TRPM3: variants seen among roughly 807,000 people sequenced by gnomAD.
TRPM3 encodes the protein long transient receptor potential channel 3.
A neutral mutation model predicts 181.2 loss-of-function variants in TRPM3; 77 were observed. The observed-to-expected ratio is 0.42, with a 90% CI of 0.35 to 0.51. The LOEUF is 0.51. Among genes scored for constraint, TRPM3 ranks in the 20% least tolerant of loss-of-function variants. The probability of loss-of-function intolerance (pLI) is 0.01; values close to 1 mark genes in which losing one functional copy is unlikely to be tolerated. For synonymous variants in TRPM3, 745 were observed against 796.4 expected (o/e 0.94, Z 1.09); for missense variants, 1,759 against 2,196.7 (o/e 0.80, Z 3.98).
At chr9:71,213,469 T>C (rs1223119283) in intron 1 of TRPM3, among the ~76,000 whole-genome samples, 1 of 152,200 alleles carries the variant, frequency 6.6e-6, no homozygotes, top group Non-Finnish European at 1.5e-5. Flanking sequence ...TTTGAAAACA[T>C]TTTACAGCCT....
At chr9:71,257,444 G>C (rs76714702) in intron 1 of TRPM3, among the ~76,000 whole-genome samples, 4,595 of 152,164 alleles carry the variant, frequency 0.03, 206 homozygotes, top group African/African-American at 0.1. Context: ...AAAATATAGC[G>C]ATTTCAGTGC....
intron 1 of TRPM3, among the ~76,000 whole-genome samples, chr9:71,167,874 G>C (rs1378342269): frequency 1.3e-5 from 2 of 152,166 alleles, no homozygotes; most frequent in Non-Finnish European, 2.9e-5. Flanking sequence ...GGTAAGTGGA[G>C]GGCAGGGTGT....
At chr9:71,302,708 C>T (rs1441911991) in intron 1 of TRPM3, among the ~76,000 whole-genome samples, 1 of 151,086 alleles carries the variant, frequency 6.6e-6, no homozygotes, top group Non-Finnish European at 1.5e-5. Flanking sequence ...ATTTAGGAGG[C>T]CCAATGAGAC....
chr9:71,139,407 G>T (rs1330366385), intron 1 of TRPM3, among the ~76,000 whole-genome samples: 1 of 152,048 alleles, frequency 6.6e-6, no homozygotes, highest in Non-Finnish European at 1.5e-5. Context: ...ATCTTAATTG[G>T]TATTTCAGAA....
chr9:70,761,172 A>G (rs375547356), intron 8 of TRPM3: 2 of 451,934 alleles, frequency 4.4e-6, no homozygotes, highest in South Asian at 4.0e-5. Flanking sequence ...TCCGTTTTCT[A>G]CCTGTACAGA....
chr9:70,638,184 G>T (rs893292092), intron 11 of TRPM3, among the ~76,000 whole-genome samples: 7 of 152,082 alleles, frequency 4.6e-5, no homozygotes, highest in African/African-American at 1.7e-4. Flanking sequence ...GTCCCTTCTG[G>T]AGAATGGCAA....
At chr9:70,617,039 G>T (rs1022941811) in intron 17 of TRPM3, among the ~76,000 whole-genome samples, 15 of 152,308 alleles carry the variant, frequency 9.8e-5, no homozygotes, top group Admixed American at 3.9e-4. Flanking sequence ...CCTCTGAAGG[G>T]TCAGGAAAAA....
intron 1 of TRPM3, among the ~76,000 whole-genome samples, chr9:70,903,894 A>G (rs2096423247): frequency 6.6e-6 from 1 of 152,180 alleles, no homozygotes; most frequent in African/African-American, 2.4e-5. Flanking sequence ...GGAATGTAGA[A>G]TTGTATAGGA....
chr9:70,876,712 A>G lies in TRPM3; in HGVS notation c.178-12201T>C, dbSNP rs116678645. On this transcript the variant is annotated intron_variant, in intron 1 of 25. Transcript: ENST00000677713. ...TTTGTTGCCAGAATGAATTTCTGAT[A>G]ATCGGATTCTTCTGAGACAAGCTAT... is the stretch of plus-strand genomic sequence containing the variant. Among the ~76,000 whole-genome samples the G allele has an allele frequency of 7.5e-3, 1,134 of 152,054 alleles. 15 individuals carry two copies. Among genetic ancestry groups the G allele is most frequent in the African/African-American group, 0.026 (1,086 of 41,524 alleles).
At chr9:70,909,581 A>G (rs2096515918) in intron 1 of TRPM3, among the ~76,000 whole-genome samples, 1 of 152,154 alleles carries the variant, frequency 6.6e-6, no homozygotes, top group African/African-American at 2.4e-5. Context: ...AAAGGCCCAA[A>G]AGGTAGGGGT....
At chr9:71,065,077 G>A (rs2061753726) in intron 1 of TRPM3, among the ~76,000 whole-genome samples, 3 of 152,158 alleles carry the variant, frequency 2.0e-5, no homozygotes, top group African/African-American at 7.2e-5. Context: ...ATGGGATTGG[G>A]CTTGTAAGCA....
chr9:70,558,152 A>G (rs1475109400), intron 22 of TRPM3, among the ~76,000 whole-genome samples: 1 of 152,162 alleles, frequency 6.6e-6, no homozygotes, highest in Non-Finnish European at 1.5e-5. Flanking sequence ...CTCTTTTCAC[A>G]ATACAACGTA....
At chr9:71,090,110 G>C (rs898427684) in intron 1 of TRPM3, among the ~76,000 whole-genome samples, 1 of 152,156 alleles carries the variant, frequency 6.6e-6, no homozygotes, top group Non-Finnish European at 1.5e-5. Context: ...ATAGGGCAGG[G>C]GCGGTGTCTG....
At chr9:70,863,897 G>C (rs1212412093) in intron 2 of TRPM3, among the ~76,000 whole-genome samples, 1 of 152,024 alleles carries the variant, frequency 6.6e-6, no homozygotes, top group Non-Finnish European at 1.5e-5. Context: ...AAACTGATCT[G>C]TTGAATTGCC....
chr9:71,404,826 T>C (rs1193779631), intron 1 of TRPM3, among the ~76,000 whole-genome samples: 4 of 152,198 alleles, frequency 2.6e-5, no homozygotes, highest in African/African-American at 9.6e-5. Flanking sequence ...CAGGTCCTTT[T>C]GTACCTCTAC....
rs575176948 is a variant in TRPM3 at position 70,683,428 on chromosome 9, C to CTTTTTTTTTTTTTTTTT, written c.1273-1867_1273-1851dup. On this transcript the variant is annotated intron_variant, in intron 8 of 25. Coordinates refer to ENST00000677713, the MANE Select transcript of TRPM3 (RefSeq NM_001366145.2). ...CCTTTTCTCTCTTTCTCTCTCTCTC[C>CTTTTTTTTTTTTTTTTT]TTTTTTTTTTTTTTTTTTTTTTTTT... Among the ~76,000 whole-genome samples the CTTTTTTTTTTTTTTTTT allele has an allele frequency of 4.1e-3, 238 of 57,460 alleles. 20 individuals carry two copies. The highest frequency in any genetic ancestry group is 0.014 in the Middle Eastern group (1 of 72). 37.7% of individuals were successfully genotyped at this position (57,460 alleles called of 152,430 possible).
chr9:70,646,584 G>A (rs553981124), intron 9 of TRPM3, among the ~76,000 whole-genome samples: 3 of 152,168 alleles, frequency 2.0e-5, no homozygotes, highest in African/African-American at 7.2e-5. Flanking sequence ...GAGGGGCTAG[G>A]GGAGGGATAG....
chr9:70,583,735 T>C (rs960952256), intron 22 of TRPM3, among the ~76,000 whole-genome samples: 12 of 152,176 alleles, frequency 7.9e-5, no homozygotes, highest in African/African-American at 2.9e-4. Flanking sequence ...TCTTCTCTAT[T>C]ACACAAAGTC....
chr9:70,812,407 G>C (rs938146450), intron 6 of TRPM3, among the ~76,000 whole-genome samples: 1 of 152,140 alleles, frequency 6.6e-6, no homozygotes. Context: ...TACTCACTGG[G>C]GAAAATGCAA....
Sources: gnomAD v4.1 joint callset for allele counts (sites outside exome capture counted in the v4.1 genomes callset) on GRCh38, gnomAD v4.1.1 for gene constraint, MANE v1.5 for transcripts, NCBI Gene and HGNC (gene_info 2026-07-23, HGNC 2026-07-21) for gene names.